Variants in BPIFB4 observed in about 807,000 individuals in gnomAD.
BPIFB4 encodes BPI fold containing family B member 4.
Under a neutral mutation model 69.2 loss-of-function variants are expected in BPIFB4, and 62 were observed. The ratio of observed to expected loss-of-function variants is 0.90; its 90% CI spans 0.73 to 1.11. The LOEUF (loss-of-function observed/expected upper bound fraction) is 1.11, where lower values mean the gene tolerates loss of function less well. Among genes scored for constraint, BPIFB4 ranks in the 50% least tolerant of loss-of-function variants. The probability of loss-of-function intolerance (pLI) is 0.00; values close to 1 mark genes in which losing one functional copy is unlikely to be tolerated. For missense variants in BPIFB4, 789 were observed against 792.0 expected (o/e 1.00, Z 0.04); for synonymous variants, 330 against 332.7 (o/e 0.99, Z 0.09).
chr20:33,106,531 C>T (rs895710137), intron 16 of BPIFB4, among the ~76,000 whole-genome samples: 5 of 151,972 alleles, frequency 3.3e-5, no homozygotes, highest in Non-Finnish European at 7.4e-5. Context: ...CACCACCACA[C>T]CCAGCTAATT....
At chr20:33,082,515 G>A (rs541449560) in intron 3 of BPIFB4, among the ~76,000 whole-genome samples, 203 of 152,144 alleles carry the variant, frequency 1.3e-3, no homozygotes, top group African/African-American at 4.4e-3. Flanking sequence ...TGTATTTTTA[G>A]TAGAGACGGG....
chr20:33,104,846 G>T lies in BPIFB4; in HGVS notation c.1717G>T (p.Asp573Tyr). The T allele has an allele frequency of 6.2e-7, 1 of 1,614,072 alleles. No homozygotes were observed. The highest frequency in any genetic ancestry group is 1.1e-5 in the South Asian group (1 of 91,064). ...LMEVLVEKIFDLAFMPAMNAV... is the reference protein window; with the variant it reads ...LMEVLVEKIFYLAFMPAMNAV... ...GGAGGTGCTGGTGGAGAAGATTTTT[G>T]ACCTGGCATTCATGCCCGCAATGAA... The change falls in exon 16 of 18, where the codon GAC becomes TAC. Residue 573 changes from aspartate to tyrosine, a missense_variant. By Grantham distance (160) the Asp-to-Tyr change is radical. Coordinates refer to ENST00000375483, the MANE Select transcript of BPIFB4 (RefSeq NM_182519.3).
At chr20:33,104,474 A>G (rs1981988702) in intron 15 of BPIFB4, among the ~76,000 whole-genome samples, 1 of 152,156 alleles carries the variant, frequency 6.6e-6, no homozygotes, top group South Asian at 2.1e-4. Context: ...CTGTGATGCC[A>G]TGACAGTGCC....
intron 12 of BPIFB4, among the ~76,000 whole-genome samples, chr20:33,096,591 A>G (rs114220863): frequency 1.0e-3 from 157 of 152,298 alleles, no homozygotes; most frequent in African/African-American, 3.6e-3. Context: ...TACTTTTTCA[A>G]TTGGTTCTGA....
intron 4 of BPIFB4, 38 bp from the exon 5 acceptor site, chr20:33,083,329 C>T (rs1981298660): frequency 6.3e-7 from 1 of 1,587,814 alleles, no homozygotes; most frequent in African/African-American, 1.3e-5. Flanking sequence ...GTGGCCGACA[C>T]CATTACAATG....
At chr20:33,091,639 A>G (rs1298811822) in intron 10 of BPIFB4, among the ~76,000 whole-genome samples, 2 of 152,230 alleles carry the variant, frequency 1.3e-5, no homozygotes, top group African/African-American at 4.8e-5. Context: ...ATAAACATAC[A>G]TCTGTTGAAG....
At chr20:33,090,190 G>A (rs773492646) in intron 9 of BPIFB4, among the ~76,000 whole-genome samples, 16 of 152,330 alleles carry the variant, frequency 1.1e-4, no homozygotes, top group African/African-American at 2.2e-4. Flanking sequence ...CAGGGCAGCC[G>A]TCTCTGATAG....
chr20:33,083,420 T>A lies in BPIFB4; in HGVS notation c.223T>A (p.Tyr75Asn), dbSNP rs555606085. The A allele has an allele frequency of 6.2e-7, 1 of 1,613,206 alleles. No homozygotes were observed. The highest frequency in any genetic ancestry group is 8.5e-7 in the Non-Finnish European group (1 of 1,179,664). The change falls in exon 5 of 18, where the codon TAT becomes AAT. Residue 75 changes from tyrosine to asparagine, a missense_variant. Physicochemically the swap from Tyr to Asn is moderately radical, Grantham distance 143. This residue lies in a region of BPIFB4 where 611 missense variants were observed against 575.4 expected (regional missense o/e 1.06). Transcript: ENST00000375483. ...CCATGTCCGAGGACCCCCCCCAGTA[T>A]ATACCAACGGCAAAAAACTTGATGG... ...DFHVRGPPPV[Y>N]TNGKKLDGIY...
intron 16 of BPIFB4, among the ~76,000 whole-genome samples, chr20:33,105,685 C>T (rs1204370344): frequency 1.3e-5 from 2 of 152,160 alleles, no homozygotes; most frequent in Admixed American, 1.3e-4. Flanking sequence ...ATCAGCTACA[C>T]CAGCGGGGGT....
chr20:33,083,372 G>C lies in BPIFB4; in HGVS notation c.175G>C (p.Gly59Arg). 6.2e-7 allele frequency: 1 copy of C among 1,612,702 alleles called. No individual in the cohort carries two copies. Among genetic ancestry groups the C allele is most frequent in the South Asian group, 1.1e-5 (1 of 91,030 alleles). The change falls in exon 5 of 18, where the codon GGT becomes CGT. Residue 59 changes from glycine (G) to arginine (R), a missense_variant. Transcript: ENST00000375483. ...SALREVPLGV[G>R]DIPYNDFHVR... ...ACGCATTGAATTCCCCCGAGGTGTT[G>C]GTGATATTCCCTACAATGACTTCCA...
chr20:33,085,951 C>T, intron 6 of BPIFB4, 70 bp from the exon 7 acceptor site: 1 of 1,524,104 alleles, frequency 6.6e-7, no homozygotes, highest in South Asian at 1.1e-5. Context: ...CAAGGACAGG[C>T]CTGGGTAAGG....
intron 14 of BPIFB4, among the ~76,000 whole-genome samples, 160 bp from the exon 15 acceptor site, chr20:33,102,812 C>T (rs772304065): frequency 6.6e-5 from 10 of 152,174 alleles, no homozygotes; most frequent in African/African-American, 1.9e-4. Context: ...GTGTAGTTAG[C>T]GCTCAGCATG....
At chr20:33,089,669 G>A (rs1293254494) in intron 9 of BPIFB4, 111 bp downstream of exon 9, 1 of 1,549,970 alleles carries the variant, frequency 6.5e-7, no homozygotes, top group Non-Finnish European at 8.7e-7. Context: ...GGCCCTTGAA[G>A]TGAGGAGTGG....
At chr20:33,093,971 C>CT (rs1981686391) in intron 11 of BPIFB4, among the ~76,000 whole-genome samples, 1 of 152,164 alleles carries the variant, frequency 6.6e-6, no homozygotes, top group African/African-American at 2.4e-5. Context: ...TCTGTCTATC[C>CT]ATCTATCTTA....
intron 12 of BPIFB4, among the ~76,000 whole-genome samples, chr20:33,096,438 G>A (rs1981755252): frequency 6.6e-6 from 1 of 152,092 alleles, no homozygotes; most frequent in Admixed American, 6.6e-5. Flanking sequence ...ACCATGCCTG[G>A]CTAATTTTAT....
intron 4 of BPIFB4, 88 bp downstream of exon 4, chr20:33,083,088 T>C (rs1433639196): frequency 1.5e-4 from 18 of 117,584 alleles, no homozygotes; most frequent in Non-Finnish European, 2.6e-4. Context: ...GGTGGTCTCC[T>C]GGGGGGCCTG....
chr20:33,082,660 G>A (rs550995571), intron 3 of BPIFB4, among the ~76,000 whole-genome samples: 6 of 152,174 alleles, frequency 3.9e-5, no homozygotes, highest in Non-Finnish European at 7.4e-5. Context: ...GCTGTAAAGT[G>A]CAGAGCACTT....
Position 33,107,201 on chromosome 20 carries a change from T to A in BPIFB4, c.1745-543T>A, listed in dbSNP as rs34868076. Among the ~76,000 whole-genome samples the A allele has an allele frequency of 1.5e-3, 209 of 135,642 alleles. 3 individuals are homozygous for A. Among genetic ancestry groups the A allele is most frequent in the Middle Eastern group, 3.7e-3 (1 of 268 alleles). The allele number at this position is 135,642 out of a possible 152,430, so 89.0% of individuals were successfully genotyped here. A position where few individuals can be genotyped will look rare whatever the true frequency, so the allele number is the denominator to read the frequency against. On this transcript the variant is annotated intron_variant, in intron 16 of 17. Coordinates refer to ENST00000375483, the MANE Select transcript of BPIFB4 (RefSeq NM_182519.3). ...CTGGGGCAACAGAGCAAGACTCAGT[T>A]AAAAAAAAAAATGAAAGAAAGAAGG...
chr20:33,085,974 C>T (rs761623500), intron 6 of BPIFB4, 47 bp from the exon 7 acceptor site: 173 of 1,575,032 alleles, frequency 1.1e-4, no homozygotes, highest in Admixed American at 3.7e-4. Context: ...GAGCTCCTGG[C>T]GGCTGGGGGT....
Sources: allele counts gnomAD v4.1 joint callset (sites outside exome capture counted in the v4.1 genomes callset), GRCh38; gene constraint gnomAD v4.1.1; regional missense constraint gnomAD v4.1.1; transcripts MANE v1.5; gene names NCBI Gene and HGNC (gene_info 2026-07-23, HGNC 2026-07-21).